Variants in MYOCD observed in about 807,000 individuals in gnomAD.
MYOCD encodes the protein myocardin.
A neutral mutation model predicts 96.1 loss-of-function variants in MYOCD; 32 were observed. That is an observed-to-expected ratio of 0.33 (90% CI 0.25 to 0.45). MYOCD has a LOEUF of 0.45. Among genes scored for constraint, MYOCD ranks in the 20% least tolerant of loss-of-function variants. The pLI, the probability that MYOCD is intolerant of heterozygous loss-of-function variation, is 1.00. For missense variants in MYOCD, 1,133 were observed against 1,200.6 expected (o/e 0.94, Z 0.83); for synonymous variants, 469 against 469.0 (o/e 1.00, Z 0.00).
At chr17:12,682,416 A>G (rs1910525677) in intron 1 of MYOCD, among the ~76,000 whole-genome samples, 1 of 152,202 alleles carries the variant, frequency 6.6e-6, no homozygotes, top group African/African-American at 2.4e-5. Context: ...ATCAGCCAAT[A>G]GCTTTCCCAA....
intron 1 of MYOCD, chr17:12,704,821 G>C (rs924125227): frequency 1.2e-5 from 3 of 244,548 alleles, no homozygotes; most frequent in African/African-American, 6.9e-5. Flanking sequence ...GGAATTAGAT[G>C]ATATTTATCT....
intron 4 of MYOCD, among the ~76,000 whole-genome samples, chr17:12,719,698 C>CAAAA (rs57311284): frequency 4.2e-4 from 45 of 106,292 alleles, no homozygotes; most frequent in African/African-American, 1.2e-3. Context: ...ACTAAAAATA[C>CAAAA]AAAAAAAAAA....
At chr17:12,680,575 T>C (rs1364646487) in intron 1 of MYOCD, among the ~76,000 whole-genome samples, 1 of 152,180 alleles carries the variant, frequency 6.6e-6, no homozygotes, top group Non-Finnish European at 1.5e-5. Context: ...CAGGTCCTTT[T>C]CCCGGAGGCC....
Position 12,760,636 on chromosome 17 carries a change from T to C in MYOCD, c.2332-14T>C. 6.2e-7 allele frequency: 1 copy of C among 1,611,566 alleles called. No homozygotes were observed. The highest frequency in any genetic ancestry group is 8.5e-7 in the Non-Finnish European group (1 of 1,177,690). ...TTCTAAATTGTCTGTCCTCCTTTGG[T>C]TAATTTGTAATAGCAAATGACCCGG... On this transcript the variant is annotated splice_polypyrimidine_tract_variant and intron_variant, in intron 12 of 13. Transcript: ENST00000425538.
chr17:12,675,954 T>G (rs1910007932), intron 1 of MYOCD, among the ~76,000 whole-genome samples: 1 of 152,206 alleles, frequency 6.6e-6, no homozygotes, highest in Non-Finnish European at 1.5e-5. Context: ...ATGGTATCCA[T>G]GGGTACAGAG....
intron 8 of MYOCD, 40 bp downstream of exon 8, chr17:12,744,476 G>C: frequency 6.4e-7 from 1 of 1,558,930 alleles, no homozygotes; most frequent in Non-Finnish European, 8.7e-7. Context: ...GTGGGCAGAG[G>C]TTGGGAAGGG....
At chr17:12,681,228 C>T (rs1238824490) in intron 1 of MYOCD, among the ~76,000 whole-genome samples, 1 of 152,210 alleles carries the variant, frequency 6.6e-6, no homozygotes, top group Non-Finnish European at 1.5e-5. Flanking sequence ...CCCATCCTCC[C>T]GGTGAGCATG....
chr17:12,680,463 G>C (rs1029334914), intron 1 of MYOCD, among the ~76,000 whole-genome samples: 4 of 152,148 alleles, frequency 2.6e-5, no homozygotes, highest in African/African-American at 7.2e-5. Context: ...CAATCTTGTG[G>C]CCTCTCTCGA....
At chr17:12,707,705 C>T (rs2031343843) in intron 2 of MYOCD, among the ~76,000 whole-genome samples, 1 of 151,982 alleles carries the variant, frequency 6.6e-6, no homozygotes, top group South Asian at 2.1e-4. Flanking sequence ...CAGAGCGAGA[C>T]TCCGTCTCAA....
chr17:12,736,213 C>G lies in MYOCD; in HGVS notation c.468C>G (p.Asp156Glu). The change falls in exon 6 of 14, where the codon GAC becomes GAG. Residue 156 changes from aspartate to glutamate, a missense_variant. Physicochemically the swap from Asp to Glu is conservative, Grantham distance 45. Coordinates refer to ENST00000425538, the MANE Select transcript of MYOCD (RefSeq NM_001146312.3). ...KSTDAFAFEE[D>E]SSSDGLSPDQ... ...CGGATGCTTTTGCCTTTGAAGAGGACAGCAGCAGCGATGGGCTTTCTCCGG... is the reference window on the plus strand; with the variant it reads ...CGGATGCTTTTGCCTTTGAAGAGGAGAGCAGCAGCGATGGGCTTTCTCCGG... The G allele has an allele frequency of 6.2e-7, 1 of 1,614,156 alleles. No homozygotes were observed.
chr17:12,764,726 C>T lies in MYOCD; in HGVS notation c.*1082C>T, dbSNP rs538717128. 6.6e-6 allele frequency: 1 copy of T among 152,322 alleles called. No individual in the cohort carries two copies. The highest frequency in any genetic ancestry group is 2.1e-4 in the South Asian group (1 of 4,814). The allele number at this position is 152,322 out of a possible 1,614,324, so 9.4% of individuals were successfully genotyped here. A position where few individuals can be genotyped will look rare whatever the true frequency, so the allele number is the denominator to read the frequency against. Reference sequence around the variant, plus strand: ...AAGGTACCAATCCTTTCCTGTTCCTCGTTTGGCCATCTTTCTTTTTCTGCC... The same window carrying T: ...AAGGTACCAATCCTTTCCTGTTCCTTGTTTGGCCATCTTTCTTTTTCTGCC... On this transcript the variant is annotated 3_prime_UTR_variant, in exon 14 of 14. Transcript: ENST00000425538.
At chr17:12,687,765 TA>T (rs1597736574) in intron 1 of MYOCD, among the ~76,000 whole-genome samples, 2 of 152,198 alleles carry the variant, frequency 1.3e-5, no homozygotes, top group East Asian at 3.9e-4. Context: ...CAAGCAAGGC[TA>T]GGGGGAATTT....
chr17:12,726,746 A>G (rs1263505589), intron 5 of MYOCD, among the ~76,000 whole-genome samples: 1 of 152,186 alleles, frequency 6.6e-6, no homozygotes, highest in Non-Finnish European at 1.5e-5. Context: ...GTTTATGATT[A>G]CCTTTTCATA....
At position 12,672,424 on chromosome 17, in the gene MYOCD, A is replaced by G. The variant is rs564847174; in HGVS notation, c.55+6181A>G. Among the ~76,000 whole-genome samples the G allele has an allele frequency of 2.1e-4, 32 of 150,290 alleles. No individual in the cohort carries two copies. The South Asian group carries it at 6.7e-3, about 32-fold the overall frequency. On this transcript the variant is annotated intron_variant, in intron 1 of 13. Transcript: ENST00000425538. ...ATTTTATTAGGCAGATAATGCTTAT[A>G]TGTTTCAGAATAGCTAGTAAGTCAA...
chr17:12,668,402 T>C (rs1909490454), intron 1 of MYOCD, among the ~76,000 whole-genome samples: 1 of 152,224 alleles, frequency 6.6e-6, no homozygotes, highest in Non-Finnish European at 1.5e-5. Context: ...AACAGAACCA[T>C]TCTCTGATTA....
In MYOCD at chr17:12,744,380, G is replaced by A. The variant is rs766136768; in HGVS notation, c.915G>A (p.Gln305=). The A allele has an allele frequency of 5.6e-6, 9 of 1,613,590 alleles. No homozygotes were observed. The highest frequency in any genetic ancestry group is 4.4e-5 in the South Asian group (4 of 91,066). ...TGCAGCTCCAAATCCTCAGCCAGCA[G>A]CAGCAGCAGCAGCAACACCGATTCA... ...LFLQLQILSQ[Q]QQQQQHRFSY... is the part of the protein sequence containing the mutation. Residue 305 remains glutamine (Q), a synonymous_variant, in exon 8 of 14, where the codon CAG becomes CAA. Transcript: ENST00000425538.
In MYOCD at chr17:12,752,513, G is replaced by C; in HGVS notation, c.1225G>C (p.Gly409Arg). ...DRLRPFQDCS[G>R]NPVPNFGDIT... ...GCTTCGACCCTTCCAGGACTGCTCT[G>C]GCAACCCAGTGCCGAACTTTGGGGA... Residue 409 changes from glycine (G) to arginine (R), a missense_variant, in exon 10 of 14, where the codon GGC (glycine) becomes CGC (arginine). Gly to Arg is a moderately radical substitution (Grantham distance 125, BLOSUM62 -2). Transcript: ENST00000425538. The C allele has an allele frequency of 6.2e-7, 1 of 1,614,164 alleles. No homozygotes were observed. Among genetic ancestry groups the C allele is most frequent in the Non-Finnish European group, 8.5e-7 (1 of 1,180,030 alleles).
intron 1 of MYOCD, among the ~76,000 whole-genome samples, chr17:12,687,478 G>C (rs1166180250): frequency 6.6e-6 from 1 of 152,092 alleles, no homozygotes; most frequent in East Asian, 1.9e-4. Context: ...TTGTGGGTGA[G>C]GGATGTATGG....
intron 1 of MYOCD, among the ~76,000 whole-genome samples, chr17:12,676,438 A>G (rs536199436): frequency 4.6e-5 from 7 of 152,334 alleles, no homozygotes; most frequent in Non-Finnish European, 8.8e-5. Context: ...CATTCCCAAA[A>G]TGATTAGCTC....
Sources: gnomAD v4.1 joint callset for allele counts (sites outside exome capture counted in the v4.1 genomes callset) on GRCh38, gnomAD v4.1.1 for gene constraint, MANE v1.5 for transcripts, NCBI Gene and HGNC (gene_info 2026-07-23, HGNC 2026-07-21) for gene names.